AGXT2: variants seen among roughly 807,000 people sequenced by gnomAD.
AGXT2 encodes the protein alanine--glyoxylate aminotransferase 2, mitochondrial.
AGXT2 carries 61 observed loss-of-function variants against 62.5 expected under a neutral mutation model. The ratio of observed to expected loss-of-function variants is 0.98; its 90% confidence interval spans 0.79 to 1.21. The LOEUF is 1.21. AGXT2 is among the 50% of genes most tolerant of loss of function. The pLI is 0.00. For missense variants in AGXT2, 666 were observed against 641.5 expected (o/e 1.04, Z -0.41); for synonymous variants, 243 against 218.7 (o/e 1.11, Z -0.98).
At chr5:35,017,993 T>A (rs759461915) in intron 9 of AGXT2, among the ~76,000 whole-genome samples, 1 of 151,910 alleles carries the variant, frequency 6.6e-6, no homozygotes, top group Non-Finnish European at 1.5e-5. Context: ...GTGAAATGAA[T>A]GAAATGAAGA....
intron 12 of AGXT2, among the ~76,000 whole-genome samples, chr5:35,006,481 CGT>C (rs1766426675): frequency 6.6e-6 from 1 of 152,046 alleles, no homozygotes; most frequent in South Asian, 2.1e-4. Flanking sequence ...GCAGATGGGT[CGT>C]GTGGGGAGAG....
At position 35,033,567 on chromosome 5, in the gene AGXT2, A is replaced by G. The variant is rs999900711; in HGVS notation, c.582-14T>C. 1 of 1,607,298 alleles carries G rather than the reference A, an allele frequency of 6.2e-7. No individual in the cohort carries two copies. Among genetic ancestry groups the G allele is most frequent in the Non-Finnish European group, 8.5e-7 (1 of 1,173,904 alleles). ...TGGTAGGCTCCTCTGCAGAGAAGAA[A>G]CAACAGGAGGATGGGGTCAAGTTCC... On this transcript the variant is annotated splice_polypyrimidine_tract_variant and intron_variant, in intron 5 of 13. Transcript: ENST00000231420.
Position 35,047,913 on chromosome 5 carries a change from A to G in AGXT2, c.-21T>C, listed in dbSNP as rs1404292714. ...GTCATTTCTCCCACTCAGAAAGCCA[A>G]CCCCCATGGAAGCAGATTGGAGGCC... On this transcript the variant is annotated 5_prime_UTR_variant, in exon 1 of 14. Transcript: ENST00000231420. 1 of 1,613,412 alleles carries G rather than the reference A, an allele frequency of 6.2e-7. No homozygotes were observed. The highest frequency in any genetic ancestry group is 1.3e-5 in the African/African-American group (1 of 74,776).
At chr5:35,046,194 C>A (rs189163163) in intron 1 of AGXT2, among the ~76,000 whole-genome samples, 53 of 152,322 alleles carry the variant, frequency 3.5e-4, no homozygotes, top group African/African-American at 1.3e-3. Context: ...TTACCTGCTG[C>A]TCCACTGTGC....
At chr5:35,039,243 T>C in intron 3 of AGXT2, 81 bp downstream of exon 3, 3 of 1,476,068 alleles carry the variant, frequency 2.0e-6, no homozygotes, top group Non-Finnish European at 2.8e-6. Context: ...GATAAGCAAA[T>C]CAAGAGTTCA....
intron 9 of AGXT2, among the ~76,000 whole-genome samples, chr5:35,015,913 G>C (rs1766835124): frequency 6.7e-6 from 1 of 150,304 alleles, no homozygotes; most frequent in South Asian, 2.1e-4. Context: ...CATTTTCAAG[G>C]ACAGATTCCA....
intron 12 of AGXT2, among the ~76,000 whole-genome samples, chr5:35,004,369 C>T (rs1232394733): frequency 6.6e-6 from 1 of 152,150 alleles, no homozygotes; most frequent in East Asian, 1.9e-4. Context: ...GTCCTAATTT[C>T]CCTGCTTGTA....
chr5:35,023,192 A>AAAAAAG (rs1430627107), intron 9 of AGXT2, among the ~76,000 whole-genome samples: 2 of 151,772 alleles, frequency 1.3e-5, no homozygotes, highest in African/African-American at 4.8e-5. Context: ...AAGAAAAAAG[A>AAAAAAG]AAAAAGAAAA....
Position 35,026,434 on chromosome 5 carries a change from A to C in AGXT2, c.846T>G (p.Ala282=). 6.2e-7 allele frequency: 1 copy of C among 1,614,180 alleles called. No individual in the cohort carries two copies. The highest frequency in any genetic ancestry group is 8.5e-7 in the Non-Finnish European group (1 of 1,180,004). Residue 282 remains alanine (A), a synonymous_variant, in exon 8 of 14, where the codon GCT becomes GCG. Transcript: ENST00000231420. ...TLSTSVAKSI[A]GFFAEPIQGV... ...CTTGAATAGGTTCTGCGAAAAATCC[A>C]GCAATTGACTTGGCCACAGATGTGC...
At chr5:35,042,735 C>CGTGTGT (rs1768030395) in intron 1 of AGXT2, among the ~76,000 whole-genome samples, 1 of 119,868 alleles carries the variant, frequency 8.3e-6, no homozygotes, top group African/African-American at 3.8e-5. Context: ...CATATGCATA[C>CGTGTGT]CTGTGTGTGT....
rs776971938 is a variant in AGXT2, at chr5:35,040,601, A to T, written c.151T>A (p.Cys51Ser). 6.2e-7 allele frequency: 1 copy of T among 1,613,966 alleles called. No homozygotes were observed. Among genetic ancestry groups the T allele is most frequent in the Non-Finnish European group, 8.5e-7 (1 of 1,179,840 alleles). Residue 51 changes from cysteine (C) to serine (S), a missense_variant, in exon 2 of 14, where the codon TGT (cysteine) becomes AGT (serine). Cys to Ser is a moderately radical substitution (Grantham distance 112, BLOSUM62 -1). Coordinates refer to ENST00000231420, the MANE Select transcript of AGXT2 (RefSeq NM_031900.4). ...TGGTATCTTTCAGGCATGAAGTCAC[A>T]TGGAGGCATTCTGGGCTTTGTATGA... ...SLHTKPRMPP[C>S]DFMPERYQSL...
rs57016954 is a variant in AGXT2 at position 35,011,915 on chromosome 5, T to TACACAC, written c.1188+1033_1188+1038dup. 1.1e-3 allele frequency among the ~76,000 whole-genome samples: 156 copies of TACACAC among 140,920 alleles called. 1 individual carries two copies. Among genetic ancestry groups the TACACAC allele is most frequent in the East Asian group, 1.0e-3 (5 of 4,798 alleles). 92.4% of individuals were successfully genotyped at this position (140,920 alleles called of 152,430 possible). A position where few individuals can be genotyped will look rare whatever the true frequency, so the allele number is the denominator to read the frequency against. The stretch of plus-strand genomic sequence containing the variant: ...GAGTGGATAAAGAAAATGTGGTGTA[T>TACACAC]ACACACACACACACACACACACACA... On this transcript the variant is annotated intron_variant, in intron 11 of 13. Coordinates refer to ENST00000231420, the MANE Select transcript of AGXT2 (RefSeq NM_031900.4).
chr5:35,013,022 A>G lies in AGXT2; in HGVS notation c.1120T>C (p.Cys374Arg), dbSNP rs1766703401. The G allele has an allele frequency of 6.4e-7, 1 of 1,551,596 alleles. No homozygotes were observed. The highest frequency in any genetic ancestry group is 8.7e-7 in the Non-Finnish European group (1 of 1,146,984). The change falls in exon 11 of 14, where the codon TGC becomes CGC. Residue 374 changes from cysteine to arginine, a missense_variant. Transcript: ENST00000231420. ...CCAAAGGTGTTGAAGTGCTGCAGGC[A>G]TTTCGCCAAAGATTTGGCAATCTCT... ...TPEIAKSLAK[C>R]LQHFNTFGGN...
intron 9 of AGXT2, 60 bp downstream of exon 9, chr5:35,025,703 T>C (rs1767309004): frequency 1.3e-6 from 2 of 1,547,458 alleles, no homozygotes; most frequent in African/African-American, 2.7e-5. Context: ...GTTTAGGAGG[T>C]TTCTGTCTGT....
chr5:35,008,683 T>C (rs1206583253), intron 12 of AGXT2, among the ~76,000 whole-genome samples: 1 of 152,262 alleles, frequency 6.6e-6, no homozygotes, highest in African/African-American at 2.4e-5. Context: ...TTTCAAATCT[T>C]ACTTAAACAT....
chr5:35,002,777 G>C (rs941647985), intron 13 of AGXT2, among the ~76,000 whole-genome samples: 2 of 75,288 alleles, frequency 2.7e-5, no homozygotes, highest in Non-Finnish European at 5.2e-5. Context: ...ATAGCAGGCT[G>C]GGGGGGGGGA....
At chr5:35,018,050 C>T (rs1207870670) in intron 9 of AGXT2, among the ~76,000 whole-genome samples, 1 of 152,084 alleles carries the variant, frequency 6.6e-6, no homozygotes, top group East Asian at 1.9e-4. Context: ...ACGAGCAAAG[C>T]CTCCAAGAAA....
In AGXT2 at chr5:34,998,764, T is replaced by C. The variant is rs1392488072; in HGVS notation, c.1500A>G (p.Val500=). The change falls in exon 14 of 14, where the codon GTA becomes GTG. Residue 500 remains valine (V), a synonymous_variant. Transcript: ENST00000231420. The part of the protein sequence containing the change: ...TKPEVDFAVE[V]FRSALTQHME... The stretch of plus-strand genomic sequence containing the variant: ...TGTGTTGGGTTAAGGCAGAACGAAA[T>C]ACTTCTACTGCAAAATCAACTTCTG... The C allele has an allele frequency of 6.2e-7, 1 of 1,614,082 alleles. No homozygotes were observed. Among genetic ancestry groups the C allele is most frequent in the East Asian group, 2.2e-5 (1 of 44,888 alleles).
intron 13 of AGXT2, among the ~76,000 whole-genome samples, chr5:35,002,492 T>G (rs188398110): frequency 5.3e-5 from 8 of 152,302 alleles, no homozygotes; most frequent in Admixed American, 4.6e-4. Flanking sequence ...ACCCCTTGAA[T>G]TCCTATGTTG....
Sources: gnomAD v4.1 joint callset for allele counts (sites outside exome capture counted in the v4.1 genomes callset) on GRCh38, gnomAD v4.1.1 for gene constraint, MANE v1.5 for transcripts, NCBI Gene and HGNC (gene_info 2026-07-23, HGNC 2026-07-21) for gene names.